Variants in CDH26 observed in about 807,000 individuals in gnomAD.
CDH26 encodes the protein cadherin-like protein 26.
CDH26 carries 83 observed loss-of-function variants against 90.3 expected under a neutral mutation model. The ratio of observed to expected loss-of-function variants is 0.92; its 90% confidence interval spans 0.77 to 1.10. CDH26 has a LOEUF of 1.10. Among genes scored for constraint, CDH26 ranks in the 50% least tolerant of loss-of-function variants. The pLI is 0.00. For synonymous variants in CDH26, 397 were observed against 396.3 expected (o/e 1.00, Z -0.02); for missense variants, 1,013 against 1,037.6 (o/e 0.98, Z 0.33).
chr20:59,996,595 T>G (rs1601167820), intron 12 of CDH26, 36 bp from the exon 13 acceptor site: 1 of 1,614,230 alleles, frequency 6.2e-7, no homozygotes, highest in East Asian at 2.2e-5. Flanking sequence ...ATGGGTGAGC[T>G]TGTCTAATCT....
chr20:60,015,403 T>C (rs555072803), downstream of CDH26, among the ~76,000 whole-genome samples: 1 of 152,350 alleles, frequency 6.6e-6, no homozygotes, highest in South Asian at 2.1e-4. Context: ...CAGTTTTTCA[T>C]ATATTTTTTG....
chr20:60,018,031 G>A (rs1221435832), downstream of CDH26, among the ~76,000 whole-genome samples: 2 of 151,862 alleles, frequency 1.3e-5, no homozygotes, highest in African/African-American at 4.8e-5. Flanking sequence ...CTAACATATG[G>A]CCTCTCCTGG....
chr20:60,034,857 C>T (rs990260992), downstream of CDH26, among the ~76,000 whole-genome samples: 4 of 152,188 alleles, frequency 2.6e-5, no homozygotes, highest in Non-Finnish European at 5.9e-5. Flanking sequence ...ATGGTGGAGG[C>T]TCCGGCACAG....
At position 60,001,273 on chromosome 20, in the gene CDH26, G is replaced by A. The variant is rs188628001; in HGVS notation, c.2098-70G>A. 6.2e-5 allele frequency: 99 copies of A among 1,588,114 alleles called. No individual in the cohort carries two copies. In the Admixed American group the frequency reaches 1.2e-3, roughly 19 times the overall value. Reference sequence around the variant, plus strand: ...GCAAGGGGAAGTGGTGAGAGGTCACGCATGCCCACTTTGTTTCCAGCTGGA... The same window carrying A: ...GCAAGGGGAAGTGGTGAGAGGTCACACATGCCCACTTTGTTTCCAGCTGGA... On this transcript the variant is annotated intron_variant, in intron 14 of 17. Coordinates refer to ENST00000348616, the MANE Select transcript of CDH26 (RefSeq NM_177980.4).
chr20:59,967,868 T>TTC (rs2061179297), intron 1 of CDH26, among the ~76,000 whole-genome samples: 1 of 105,044 alleles, frequency 9.5e-6, no homozygotes, highest in Non-Finnish European at 1.8e-5. Context: ...TTTCTTTCTT[T>TTC]CTTTCTTTCT....
chr20:60,033,290 G>C (rs2122803610), intron 8 of CDH26, among the ~76,000 whole-genome samples: 2 of 152,304 alleles, frequency 1.3e-5, no homozygotes, highest in East Asian at 3.9e-4. Flanking sequence ...CCGGGAACTT[G>C]TCTTTGTAAT....
chr20:59,970,014 G>A (rs1184722144), intron 2 of CDH26, 68 bp from the exon 3 acceptor site: 3 of 1,569,532 alleles, frequency 1.9e-6, no homozygotes, highest in South Asian at 1.2e-5. Flanking sequence ...TGAAGTAAGG[G>A]TGTGATAAAT....
At chr20:59,965,174 A>G (rs552322901) in intron 1 of CDH26, among the ~76,000 whole-genome samples, 2 of 152,298 alleles carry the variant, frequency 1.3e-5, no homozygotes, top group Admixed American at 1.3e-4. Flanking sequence ...GGAAACAAAT[A>G]TTATCGTTAG....
chr20:60,018,992 T>C (rs373559613), downstream of CDH26, among the ~76,000 whole-genome samples: 10 of 152,236 alleles, frequency 6.6e-5, no homozygotes, highest in East Asian at 1.7e-3. Flanking sequence ...TATAATATTA[T>C]AGTCTGGCAA....
At chr20:59,986,903 T>G (rs1277225126) in intron 7 of CDH26, among the ~76,000 whole-genome samples, 1 of 152,222 alleles carries the variant, frequency 6.6e-6, no homozygotes, top group Non-Finnish European at 1.5e-5. Flanking sequence ...TTTCAAAATC[T>G]TTTCCTGGCT....
At chr20:59,989,537 A>G (rs1200345088) in intron 9 of CDH26, among the ~76,000 whole-genome samples, 2 of 144,130 alleles carry the variant, frequency 1.4e-5, no homozygotes, top group Non-Finnish European at 1.5e-5. Context: ...TCCGTCTCAA[A>G]AAAAAAAAAA....
chr20:59,988,805 A>C (rs1306235082), intron 8 of CDH26, 99 bp from the exon 9 acceptor site: 6 of 1,344,734 alleles, frequency 4.5e-6, no homozygotes, highest in Non-Finnish European at 5.1e-6. Flanking sequence ...TGAAGTGCAA[A>C]AGCCACAAGC....
At chr20:60,008,120 C>A (rs923750620) in intron 17 of CDH26, among the ~76,000 whole-genome samples, 10 of 152,156 alleles carry the variant, frequency 6.6e-5, no homozygotes, top group African/African-American at 2.2e-4. Flanking sequence ...TAAGCAGCTC[C>A]TCCTGTTGCA....
At chr20:59,964,605 C>T (rs2061123205) in intron 1 of CDH26, among the ~76,000 whole-genome samples, 1 of 152,182 alleles carries the variant, frequency 6.6e-6, no homozygotes, top group Non-Finnish European at 1.5e-5. Flanking sequence ...CTTCCTGCAT[C>T]ACCCAGATGA....
chr20:60,002,654 C>T (rs1039649024), intron 15 of CDH26, among the ~76,000 whole-genome samples, 159 bp from the exon 16 acceptor site: 5 of 151,508 alleles, frequency 3.3e-5, no homozygotes, highest in African/African-American at 9.7e-5. Context: ...AACTGTGAAA[C>T]TTGTTCATGA....
chr20:59,988,359 G>T (rs1003669487), intron 8 of CDH26, among the ~76,000 whole-genome samples: 1 of 152,186 alleles, frequency 6.6e-6, no homozygotes. Flanking sequence ...ACCTGAGTCA[G>T]CAGGTCTGGC....
At chr20:60,029,648 G>C (rs195025) in intron 7 of CDH26, among the ~76,000 whole-genome samples, 57,364 of 151,000 alleles carry the variant, frequency 0.38, 11,409 homozygotes, top group East Asian at 0.52. Context: ...CTCCCACCCC[G>C]CAACAGGCCC....
Position 59,958,678 on chromosome 20 carries a change from A to G in CDH26, c.-49A>G. ...GGCTCCGGTGAGACCACCAGCTTGG[A>G]GGACTGGTCATCAGCTGCACGTTCT... On this transcript the variant is annotated 5_prime_UTR_variant, in exon 1 of 18. Transcript: ENST00000348616. 1 of 1,569,148 alleles carries G rather than the reference A, an allele frequency of 6.4e-7. No individual in the cohort carries two copies. Among genetic ancestry groups the G allele is most frequent in the Non-Finnish European group, 8.8e-7 (1 of 1,139,558 alleles).
In CDH26 at chr20:60,021,893, C is replaced by CATATAT. The variant is rs1440474881; in HGVS notation, c.948-9337_948-9336insTATATA. 9.5e-4 allele frequency among the ~76,000 whole-genome samples: 83 copies of CATATAT among 87,522 alleles called. 1 individual carries two copies. The highest frequency in any genetic ancestry group is 1.7e-3 in the Non-Finnish European group (62 of 35,474). 57.4% of individuals were successfully genotyped at this position (87,522 alleles called of 152,430 possible). On this transcript the variant is annotated intron_variant, in intron 7 of 8. Coordinates refer to the CDH26 transcript ENST00000370991. ...ACACACACACACACACACACACACACACACATATATATATATATATATATC... is the reference window on the plus strand; with the variant it reads ...ACACACACACACACACACACACACACATATATACACATATATATATATATATATATC...
Sources: allele counts gnomAD v4.1 joint callset (sites outside exome capture counted in the v4.1 genomes callset), GRCh38; gene constraint gnomAD v4.1.1; transcripts MANE v1.5; gene names NCBI Gene and HGNC (gene_info 2026-07-23, HGNC 2026-07-21).